Variants in EPHA5 observed in about 807,000 individuals in gnomAD.
EPHA5 encodes ephrin type-A receptor 5.
A neutral mutation model predicts 105.0 loss-of-function variants in EPHA5; 60 were observed. The observed-to-expected ratio is 0.57, with a 90% CI of 0.46 to 0.71. The LOEUF (loss-of-function observed/expected upper bound fraction) is 0.71, where lower values mean the gene tolerates loss of function less well. EPHA5 is among the 30% of genes least tolerant of loss of function. EPHA5 has a pLI of 0.00. For missense variants in EPHA5, 1,218 were observed against 1,274.7 expected (o/e 0.96, Z 0.68); for synonymous variants, 513 against 449.1 (o/e 1.14, Z -1.80).
chr4:65,346,327 G>T (rs1490191286), intron 14 of EPHA5, among the ~76,000 whole-genome samples: 7 of 151,620 alleles, frequency 4.6e-5, no homozygotes, highest in Admixed American at 4.6e-4. Context: ...TTTTTGTTGT[G>T]CATTTTTCAA....
At chr4:65,434,995 G>T (rs987789425) in intron 5 of EPHA5, among the ~76,000 whole-genome samples, 14 of 151,970 alleles carry the variant, frequency 9.2e-5, no homozygotes, top group African/African-American at 3.1e-4. Flanking sequence ...CAGAAATATA[G>T]GTCCTTGTAA....
intron 5 of EPHA5, among the ~76,000 whole-genome samples, chr4:65,450,763 C>T (rs1726986896): frequency 6.6e-6 from 1 of 152,014 alleles, no homozygotes; most frequent in African/African-American, 2.4e-5. Flanking sequence ...ATTTAATCTC[C>T]CAAATGATTA....
chr4:65,454,313 A>AATG (rs1003066803), intron 5 of EPHA5, among the ~76,000 whole-genome samples: 8 of 151,858 alleles, frequency 5.3e-5, no homozygotes, highest in Non-Finnish European at 1.0e-4. Flanking sequence ...TAATAATAAT[A>AATG]TGAACAGTGT....
chr4:65,364,949 A>C, intron 11 of EPHA5, 68 bp downstream of exon 11: 1 of 1,302,114 alleles, frequency 7.7e-7, no homozygotes, highest in Non-Finnish European at 1.0e-6. Context: ...TCTTTACCCT[A>C]AATTAATAAT....
chr4:65,472,278 G>A (rs142121186), intron 5 of EPHA5, among the ~76,000 whole-genome samples: 41 of 152,236 alleles, frequency 2.7e-4, no homozygotes, highest in Non-Finnish European at 5.3e-4. Context: ...ATAGCTTTGG[G>A]AAGCTCCTTC....
chr4:65,458,073 C>CAAAA (rs10565968), intron 5 of EPHA5, among the ~76,000 whole-genome samples: 5 of 72,578 alleles, frequency 6.9e-5, no homozygotes, highest in Admixed American at 2.1e-4. Context: ...CACTCCATCC[C>CAAAA]AAAAAAAAAA....
intron 3 of EPHA5, among the ~76,000 whole-genome samples, chr4:65,591,708 T>C (rs1213097054): frequency 6.6e-6 from 1 of 152,072 alleles, no homozygotes; most frequent in Non-Finnish European, 1.5e-5. Context: ...TTATTTTAAT[T>C]CTAACGTTAC....
At chr4:65,411,345 A>G (rs1209014520) in intron 7 of EPHA5, among the ~76,000 whole-genome samples, 1 of 152,038 alleles carries the variant, frequency 6.6e-6, no homozygotes, top group Non-Finnish European at 1.5e-5. Flanking sequence ...TAACATTTTA[A>G]CTTTTTGTTG....
intron 2 of EPHA5, among the ~76,000 whole-genome samples, chr4:65,620,571 G>A (rs1241752366): frequency 6.6e-6 from 1 of 152,154 alleles, no homozygotes; most frequent in Non-Finnish European, 1.5e-5. Flanking sequence ...TATTTGTTGA[G>A]TTGATTCTTC....
At chr4:65,365,286 G>A (rs1253044576) in intron 10 of EPHA5, 84 bp from the exon 11 acceptor site, 6 of 1,134,288 alleles carry the variant, frequency 5.3e-6, no homozygotes, top group Non-Finnish European at 7.6e-6. Flanking sequence ...AGACTACTAA[G>A]GCTTAGATGA....
chr4:65,441,408 T>C (rs570778744), intron 5 of EPHA5, among the ~76,000 whole-genome samples: 70 of 152,214 alleles, frequency 4.6e-4, no homozygotes, highest in African/African-American at 1.6e-3. Flanking sequence ...GCAAAGTATA[T>C]TTATAGTATT....
chr4:65,613,952 A>C (rs1422958964), intron 2 of EPHA5, among the ~76,000 whole-genome samples: 2 of 151,980 alleles, frequency 1.3e-5, no homozygotes, highest in African/African-American at 4.8e-5. Flanking sequence ...ATCTATCAAC[A>C]ATCGATATAT....
intron 16 of EPHA5, among the ~76,000 whole-genome samples, chr4:65,329,893 ATTACTTGAG>A (rs1395841115): frequency 6.6e-6 from 1 of 150,568 alleles, no homozygotes; most frequent in African/African-American, 2.4e-5. Flanking sequence ...AAAGTAACTG[ATTACTTGAG>A]TTACTTAACA....
At chr4:65,515,479 A>G (rs773151789) in intron 3 of EPHA5, among the ~76,000 whole-genome samples, 63 of 152,192 alleles carry the variant, frequency 4.1e-4, no homozygotes, top group Non-Finnish European at 8.4e-4. Context: ...TTAAGAAGAT[A>G]CATGACTCCT....
At chr4:65,385,601 T>C (rs955673598) in intron 8 of EPHA5, among the ~76,000 whole-genome samples, 4 of 151,874 alleles carry the variant, frequency 2.6e-5, no homozygotes, top group African/African-American at 7.2e-5. Context: ...TCACATATTA[T>C]AATAGTTGCC....
At chr4:65,620,012 T>C (rs1745573194) in intron 2 of EPHA5, among the ~76,000 whole-genome samples, 1 of 150,336 alleles carries the variant, frequency 6.7e-6, no homozygotes, top group African/African-American at 2.4e-5. Context: ...AGTTTAATCA[T>C]CAATAGTATC....
chr4:65,509,989 C>T (rs1048694953), intron 3 of EPHA5, among the ~76,000 whole-genome samples: 3 of 149,916 alleles, frequency 2.0e-5, no homozygotes, highest in African/African-American at 7.3e-5. Flanking sequence ...TTGTGGACGA[C>T]ATTTCAAGTC....
At chr4:65,566,135 C>G (rs2149365626) in intron 3 of EPHA5, among the ~76,000 whole-genome samples, 1 of 151,850 alleles carries the variant, frequency 6.6e-6, no homozygotes, top group African/African-American at 2.4e-5. Flanking sequence ...TAAGAGCTTT[C>G]TGCTCCCATT....
chr4:65,377,213 C>A, intron 8 of EPHA5: 1 of 576,114 alleles, frequency 1.7e-6, no homozygotes, highest in South Asian at 5.4e-5. Flanking sequence ...TTCCACAGTG[C>A]CTTTCAAATT....
Sources: gnomAD v4.1 joint callset for allele counts (sites outside exome capture counted in the v4.1 genomes callset) on GRCh38, gnomAD v4.1.1 for gene constraint, MANE v1.5 for transcripts, NCBI Gene and HGNC (gene_info 2026-07-23, HGNC 2026-07-21) for gene names.